Variants in TACC2 observed in about 807,000 individuals in gnomAD.
TACC2 encodes transforming acidic coiled-coil containing protein 2.
Under a neutral mutation model 227.3 loss-of-function variants are expected in TACC2, and 137 were observed. The observed-to-expected ratio is 0.60, with a 90% confidence interval of 0.52 to 0.69. TACC2 has a LOEUF of 0.69. Ranked by LOEUF, TACC2 falls within the 30% of genes least tolerant of loss-of-function variation. The pLI is 0.00. For synonymous variants in TACC2, 1,523 were observed against 1,487.5 expected (o/e 1.02, Z -0.55); for missense variants, 3,470 against 3,694.4 (o/e 0.94, Z 1.57).
At chr10:122,212,650 G>A (rs1036592408) in intron 9 of TACC2, among the ~76,000 whole-genome samples, 3 of 152,170 alleles carry the variant, frequency 2.0e-5, no homozygotes, top group Non-Finnish European at 4.4e-5. Flanking sequence ...TGCCTGGCAC[G>A]AAAGAGACAG....
intron 7 of TACC2, among the ~76,000 whole-genome samples, chr10:122,168,585 T>A (rs940099060): frequency 2.0e-5 from 3 of 152,272 alleles, no homozygotes; most frequent in East Asian, 3.9e-4. Context: ...TCCGAGGTCC[T>A]CCAGGTAGCT....
At chr10:122,241,722 C>G in intron 18 of TACC2, 1 of 580,440 alleles carries the variant, frequency 1.7e-6, no homozygotes, top group Admixed American at 2.9e-5. Context: ...ACCACTCTAC[C>G]TGGTTTGATT....
At chr10:122,192,508 G>A (rs978200190) in intron 7 of TACC2, 8 of 359,074 alleles carry the variant, frequency 2.2e-5, no homozygotes, top group Non-Finnish European at 4.5e-5. Flanking sequence ...TCGAATCTCT[G>A]CTTGAGTGGG....
rs1368590094 is a variant in TACC2, at chr10:122,192,357, C to T, written c.5835-2683C>T. 3 of 270,618 alleles carry T rather than the reference C, an allele frequency of 1.1e-5. No individual in the cohort carries two copies. The Admixed American group carries it at 1.3e-4, about 12-fold the overall frequency. The allele number at this position is 270,618 out of a possible 1,614,324, so 16.8% of individuals were successfully genotyped here. On this transcript the variant is annotated intron_variant, in intron 7 of 22. Coordinates refer to ENST00000369005, the MANE Select transcript of TACC2 (RefSeq NM_206862.4). ...CGGAGAACTCATTGGAATTCAGGGG[C>T]TAGAACCGAGGGGCATCCGGCCCTC...
intron 1 of TACC2, among the ~76,000 whole-genome samples, chr10:122,006,187 G>A (rs1271184420): frequency 6.6e-6 from 1 of 152,040 alleles, no homozygotes; most frequent in Admixed American, 6.6e-5. Flanking sequence ...GGTGGCTCAA[G>A]CCTATAATCC....
Position 122,086,182 on chromosome 10 carries a change from C to T in TACC2, c.3682C>T (p.Pro1228Ser). The T allele has an allele frequency of 3.1e-6, 5 of 1,613,794 alleles. No homozygotes were observed. Among genetic ancestry groups the T allele is most frequent in the Non-Finnish European group, 4.2e-6 (5 of 1,180,002 alleles). Residue 1228 changes from proline to serine, a missense_variant, in exon 4 of 23, where the codon CCA becomes TCA. Around this residue, in one of 10 missense-constraint regions of TACC2, gnomAD observed 1,924 missense variants for 1,978.3 expected, o/e 0.97. Transcript: ENST00000369005. ...DPKELLLSGP[P>S]EVAAPDTPYL... Reference sequence around the variant, plus strand: ...AAAGGAGCTCCTGCTGTCTGGGCCACCAGAAGTGGCTGCTCCTGACACCCC... The same window carrying T: ...AAAGGAGCTCCTGCTGTCTGGGCCATCAGAAGTGGCTGCTCCTGACACCCC...
intron 2 of TACC2, 71 bp downstream of exon 2, chr10:122,022,085 A>G (rs140522246): frequency 8.6e-6 from 13 of 1,511,228 alleles, no homozygotes; most frequent in Non-Finnish European, 1.1e-5. Context: ...TTCTTTTTAC[A>G]GCGTCTCATC....
chr10:122,084,224 G>A lies in TACC2; in HGVS notation c.1724G>A (p.Ser575Asn). 1 of 1,614,098 alleles carries A rather than the reference G, an allele frequency of 6.2e-7. No homozygotes were observed. The highest frequency in any genetic ancestry group is 8.5e-7 in the Non-Finnish European group (1 of 1,180,038). ...AKEGSRSPGD[S>N]PGGKEEAPEP... is the part of the protein sequence containing the mutation. Reference sequence around the variant, plus strand: ...GAAGGAAGCAGATCACCTGGTGACAGCCCTGGAGGAAAGGAGGAAGCCCCA... The same window carrying A: ...GAAGGAAGCAGATCACCTGGTGACAACCCTGGAGGAAAGGAGGAAGCCCCA... Residue 575 changes from serine to asparagine, a missense_variant, in exon 4 of 23, where the codon AGC becomes AAC. Coordinates refer to ENST00000369005, the MANE Select transcript of TACC2 (RefSeq NM_206862.4).
Position 122,200,695 on chromosome 10 carries a change from A to G in TACC2, c.5971+5519A>G, listed in dbSNP as rs57511599. On this transcript the variant is annotated intron_variant, in intron 8 of 22. Coordinates refer to ENST00000369005, the MANE Select transcript of TACC2 (RefSeq NM_206862.4). ...GCCACCTCACCTGCCCACAGTGGCCATGTTCACATGGGGAGGACGGCGACC... is the reference window on the plus strand; with the variant it reads ...GCCACCTCACCTGCCCACAGTGGCCGTGTTCACATGGGGAGGACGGCGACC... 1.4e-3 allele frequency among the ~76,000 whole-genome samples: 167 copies of G among 121,082 alleles called. 2 individuals carry two copies. Among genetic ancestry groups the G allele is most frequent in the African/African-American group, 5.6e-3 (159 of 28,518 alleles). The allele number at this position is 121,082 out of a possible 152,430, so 79.4% of individuals were successfully genotyped here.
At chr10:122,172,890 G>A (rs1444925204) in intron 7 of TACC2, among the ~76,000 whole-genome samples, 2 of 152,058 alleles carry the variant, frequency 1.3e-5, no homozygotes, top group Non-Finnish European at 2.9e-5. Flanking sequence ...GTGTGAGAGC[G>A]CTGAGTTTGG....
At chr10:122,065,626 G>C (rs1353307789) in intron 3 of TACC2, among the ~76,000 whole-genome samples, 1 of 152,134 alleles carries the variant, frequency 6.6e-6, no homozygotes, top group African/African-American at 2.4e-5. Context: ...ATTAAGTCAA[G>C]TTGGTCATAG....
intron 2 of TACC2, among the ~76,000 whole-genome samples, chr10:122,023,992 C>T (rs1322968683): frequency 1.3e-5 from 2 of 152,016 alleles, no homozygotes; most frequent in Non-Finnish European, 2.9e-5. Context: ...CTTGGAAACC[C>T]ATATTTTTCT....
At position 122,249,125 on chromosome 10, in the gene TACC2, C is replaced by T. The variant is rs1303647079; in HGVS notation, c.8629C>T (p.Leu2877=). ...VKKEEQRYQA[L]KVHAEEKLDR... Reference sequence around the variant, plus strand: ...GAAGGAGGAGCAGAGGTACCAGGCCCTGAAGGTGCACGCGGAGGAGAAACT... The same window carrying T: ...GAAGGAGGAGCAGAGGTACCAGGCCTTGAAGGTGCACGCGGAGGAGAAACT... Residue 2877 remains leucine (L), a synonymous_variant, in exon 21 of 23, where the codon CTG becomes TTG. Coordinates refer to ENST00000369005, the MANE Select transcript of TACC2 (RefSeq NM_206862.4). 1.2e-6 allele frequency: 2 copies of T among 1,612,828 alleles called. No homozygotes were observed. Among genetic ancestry groups the T allele is most frequent in the Admixed American group, 3.3e-5 (2 of 59,924 alleles).
chr10:122,223,436 G>A (rs2095561619), intron 11 of TACC2, among the ~76,000 whole-genome samples: 1 of 152,164 alleles, frequency 6.6e-6, no homozygotes, highest in African/African-American at 2.4e-5. Flanking sequence ...TGGTGTGAGA[G>A]TTGGAAACAC....
intron 5 of TACC2, among the ~76,000 whole-genome samples, chr10:122,127,628 GTCAC>G (rs1033143244): frequency 6.6e-6 from 1 of 152,022 alleles, no homozygotes; most frequent in Non-Finnish European, 1.5e-5. Flanking sequence ...AAATATTTCA[GTCAC>G]TCTAGTCCCA....
intron 7 of TACC2, among the ~76,000 whole-genome samples, chr10:122,166,180 G>A (rs2093152998): frequency 6.6e-6 from 1 of 152,206 alleles, no homozygotes; most frequent in African/African-American, 2.4e-5. Flanking sequence ...GGAATCTAGA[G>A]TGAATGTTTC....
At chr10:122,249,459 A>T in intron 21 of TACC2, 85 bp from the exon 22 acceptor site, 1 of 1,550,332 alleles carries the variant, frequency 6.5e-7, no homozygotes, top group Non-Finnish European at 8.8e-7. Context: ...AGACCAGGCC[A>T]CTCTCCCTGC....
At position 122,083,828 on chromosome 10, in the gene TACC2, A is replaced by G; in HGVS notation, c.1328A>G (p.Glu443Gly). 6.2e-7 allele frequency: 1 copy of G among 1,614,158 alleles called. No homozygotes were observed. The highest frequency in any genetic ancestry group is 8.5e-7 in the Non-Finnish European group (1 of 1,180,036). ...GAAGAACCTGGATCATCATCCAGGG[A>G]ATCAGTTTCCAAGGCTGGGATGCCA... ...AVEEPGSSSR[E>G]SVSKAGMPVS... is the part of the protein sequence containing the mutation. The change falls in exon 4 of 23, where the codon GAA becomes GGA. Residue 443 changes from glutamate to glycine, a missense_variant. Around this residue, in one of 10 missense-constraint regions of TACC2, gnomAD observed 1,924 missense variants for 1,978.3 expected, o/e 0.97. Transcript: ENST00000369005.
chr10:122,137,748 G>T (rs952750696), intron 6 of TACC2, among the ~76,000 whole-genome samples: 4 of 152,186 alleles, frequency 2.6e-5, no homozygotes, highest in Admixed American at 6.5e-5. Context: ...TGATTGAGGG[G>T]GGTGTTGGGA....
Sources: allele counts gnomAD v4.1 joint callset (sites outside exome capture counted in the v4.1 genomes callset), GRCh38; gene constraint gnomAD v4.1.1; regional missense constraint gnomAD v4.1.1; transcripts MANE v1.5; gene names NCBI Gene and HGNC (gene_info 2026-07-23, HGNC 2026-07-21).